The following AKIRIN2 variants were observed in gnomAD, a reference collection of about 807,000 sequenced individuals.
AKIRIN2 encodes the protein akirin-2.
Under a neutral mutation model 29.3 loss-of-function variants are expected in AKIRIN2, and 6 were observed. The observed-to-expected ratio is 0.20, with a 90% CI of 0.11 to 0.40. The LOEUF (loss-of-function observed/expected upper bound fraction) is 0.40. Among genes scored for constraint, AKIRIN2 ranks in the 10% least tolerant of loss-of-function variants. The pLI, the probability that AKIRIN2 is intolerant of heterozygous loss-of-function variation, is 1.00. For missense variants in AKIRIN2, 210 were observed against 276.1 expected (o/e 0.76, Z 1.70); for synonymous variants, 128 against 117.5 (o/e 1.09, Z -0.58).
chr6:87,688,579 C>G (rs943884983), intron 1 of AKIRIN2, among the ~76,000 whole-genome samples: 22 of 152,122 alleles, frequency 1.4e-4, no homozygotes, highest in African/African-American at 5.3e-4. Context: ...AACCCCATCT[C>G]TACTAAAAAT....
chr6:87,701,644 T>C lies in AKIRIN2; in HGVS notation c.41A>G (p.Asp14Gly). The C allele has an allele frequency of 6.8e-7, 1 of 1,467,280 alleles. No individual in the cohort carries two copies. The highest frequency in any genetic ancestry group is 9.0e-7 in the Non-Finnish European group (1 of 1,113,500). 90.9% of individuals were successfully genotyped at this position (1,467,280 alleles called of 1,614,324 possible). The change falls in exon 1 of 5, where the codon GAC becomes GGC. Residue 14 changes from aspartate (D) to glycine (G), a missense_variant. Coordinates refer to ENST00000257787, the MANE Select transcript of AKIRIN2 (RefSeq NM_018064.4). Reference protein sequence around the residue: ...GATLKRTLDFDPLLSPASPKR... With the variant: ...GATLKRTLDFGPLLSPASPKR... ...CGGGGACGCCGGGCTCAACAGCGGGTCGAAATCCAGAGTCCTTTTCAGAGT... is the reference window on the plus strand; with the variant it reads ...CGGGGACGCCGGGCTCAACAGCGGGCCGAAATCCAGAGTCCTTTTCAGAGT...
intron 1 of AKIRIN2, among the ~76,000 whole-genome samples, chr6:87,684,808 G>A (rs969537484): frequency 2.6e-5 from 4 of 152,096 alleles, no homozygotes; most frequent in Admixed American, 1.3e-4. Flanking sequence ...TCCAATTTGG[G>A]ACTATTACGA....
At chr6:87,677,479 C>T (rs1166735451) in intron 3 of AKIRIN2, among the ~76,000 whole-genome samples, 1 of 151,996 alleles carries the variant, frequency 6.6e-6, no homozygotes, top group Non-Finnish European at 1.5e-5. Flanking sequence ...CAGTGACAGC[C>T]AATTAGATAT....
At chr6:87,693,046 G>A (rs1771300444) in intron 1 of AKIRIN2, among the ~76,000 whole-genome samples, 2 of 151,944 alleles carry the variant, frequency 1.3e-5, no homozygotes, top group South Asian at 4.2e-4. Context: ...TGGCTAACAT[G>A]GTGAAACCTC....
At chr6:87,678,222 T>TAA (rs1279523336) in intron 2 of AKIRIN2, among the ~76,000 whole-genome samples, 1 of 151,982 alleles carries the variant, frequency 6.6e-6, no homozygotes, top group Non-Finnish European at 1.5e-5. Context: ...CTTTAAGACA[T>TAA]AAGAAAGGTT....
rs571458826 is a variant in AKIRIN2, at chr6:87,680,462, G to C, written c.379+1158C>G. On this transcript the variant is annotated intron_variant, in intron 2 of 4. Transcript: ENST00000257787. Reference sequence around the variant, plus strand: ...TAATTTTTTGGATTTTAGTAGAGACGGGGTTTCACTGTGTTAGCCAGGATG... The same window carrying C: ...TAATTTTTTGGATTTTAGTAGAGACCGGGTTTCACTGTGTTAGCCAGGATG... 2.0e-5 allele frequency among the ~76,000 whole-genome samples: 3 copies of C among 147,750 alleles called. No individual in the cohort carries two copies. In the South Asian group the frequency reaches 6.4e-4, roughly 32 times the overall value.
chr6:87,678,624 G>GT, intron 2 of AKIRIN2, among the ~76,000 whole-genome samples: 1 of 152,266 alleles, frequency 6.6e-6, no homozygotes, highest in Admixed American at 6.5e-5. Context: ...ATACCATGAA[G>GT]TATTTTAGTG....
At chr6:87,681,922 T>G (rs1771128092) in intron 1 of AKIRIN2, among the ~76,000 whole-genome samples, 159 bp from the exon 2 acceptor site, 1 of 152,180 alleles carries the variant, frequency 6.6e-6, no homozygotes, top group Non-Finnish European at 1.5e-5. Context: ...TCAGCATAAA[T>G]GGGGACATTC....
At position 87,681,678 on chromosome 6, in the gene AKIRIN2, C is replaced by A; in HGVS notation, c.321G>T (p.Pro107=). 1 of 1,613,690 alleles carries A rather than the reference C, an allele frequency of 6.2e-7. No individual in the cohort carries two copies. The highest frequency in any genetic ancestry group is 8.5e-7 in the Non-Finnish European group (1 of 1,179,842). The change falls in exon 2 of 5, where the codon CCG becomes CCT. Residue 107 remains proline, a synonymous_variant. Transcript: ENST00000257787. ...HLETSFQQTD[P]CCTSDAQPHA... ...GTGGCTGTGCATCAGAAGTACAACACGGATCTGTCTGTTGGAAACTCGTTT... is the reference window on the plus strand; with the variant it reads ...GTGGCTGTGCATCAGAAGTACAACAAGGATCTGTCTGTTGGAAACTCGTTT...
intron 3 of AKIRIN2, among the ~76,000 whole-genome samples, chr6:87,677,048 G>A (rs892905527): frequency 6.7e-6 from 1 of 150,182 alleles, no homozygotes; most frequent in African/African-American, 2.5e-5. Flanking sequence ...CTGCACTCCA[G>A]CCTTGGGTGA....
In AKIRIN2 at chr6:87,677,915, A is replaced by G; in HGVS notation, c.432T>C (p.Thr144=). Residue 144 remains threonine (T), a synonymous_variant, in exon 3 of 5, where the codon ACT becomes ACC. Coordinates refer to ENST00000257787, the MANE Select transcript of AKIRIN2 (RefSeq NM_018064.4). The part of the protein sequence containing the change: ...SPLKKEQPLF[T]LRQVGMICER... ...CACAGATCATCCCAACCTGCCGTAG[A>G]GTAAATAAGGGCTGTTCTTTTTTTA... 1 of 1,614,094 alleles carries G rather than the reference A, an allele frequency of 6.2e-7. No individual in the cohort carries two copies.
At chr6:87,679,344 G>A (rs1188321840) in intron 2 of AKIRIN2, among the ~76,000 whole-genome samples, 2 of 151,922 alleles carry the variant, frequency 1.3e-5, no homozygotes, top group Admixed American at 1.3e-4. Context: ...GCGCAACATG[G>A]CAAACCATGT....
intron 1 of AKIRIN2, among the ~76,000 whole-genome samples, chr6:87,698,373 T>TAA (rs1318677681): frequency 4.6e-4 from 63 of 136,258 alleles, no homozygotes; most frequent in African/African-American, 9.6e-4. Context: ...GAACAATACT[T>TAA]AAAAAAAAAA....
chr6:87,675,674 G>C, intron 4 of AKIRIN2, 67 bp from the exon 5 acceptor site: 1 of 1,592,848 alleles, frequency 6.3e-7, no homozygotes, highest in East Asian at 2.3e-5. Flanking sequence ...ACTAGATCTT[G>C]ATTCCCAATT....
At chr6:87,675,982 C>G (rs1770967044) in intron 3 of AKIRIN2, 51 bp from the exon 4 acceptor site, 1 of 1,494,664 alleles carries the variant, frequency 6.7e-7, no homozygotes, top group Non-Finnish European at 9.2e-7. Flanking sequence ...CTTATTAGAG[C>G]CAGATAAACT....
chr6:87,686,177 T>C (rs1475476305), intron 1 of AKIRIN2, among the ~76,000 whole-genome samples: 1 of 152,090 alleles, frequency 6.6e-6, no homozygotes, highest in Non-Finnish European at 1.5e-5. Context: ...ATCATGCCAC[T>C]GCACTGCAGC....
chr6:87,701,884 G>C lies in AKIRIN2; in HGVS notation c.-200C>G, dbSNP rs566658823. On this transcript the variant is annotated 5_prime_UTR_variant, in exon 1 of 5. Coordinates refer to ENST00000257787, the MANE Select transcript of AKIRIN2 (RefSeq NM_018064.4). ...CTCCGCGGCAGGGGCAGTGGCCAGGGACGGCCCGGGTGAGAGCGGGAGGGG... is the reference window on the plus strand; with the variant it reads ...CTCCGCGGCAGGGGCAGTGGCCAGGCACGGCCCGGGTGAGAGCGGGAGGGG... 9.2e-6 allele frequency: 4 copies of C among 436,850 alleles called. No individual in the cohort carries two copies. In the South Asian group the frequency reaches 1.7e-4, roughly 19 times the overall value. The allele number at this position is 436,850 out of a possible 1,614,324, so 27.1% of individuals were successfully genotyped here. A position where few individuals can be genotyped will look rare whatever the true frequency, so the allele number is the denominator to read the frequency against.
At chr6:87,701,376 G>A in intron 1 of AKIRIN2, 74 bp downstream of exon 1, 2 of 1,440,438 alleles carry the variant, frequency 1.4e-6, no homozygotes, top group Non-Finnish European at 9.2e-7. Context: ...CACCCCAGGG[G>A]CCGCATCCCA....
In AKIRIN2 at chr6:87,677,911, G is replaced by A. The variant is rs780912595; in HGVS notation, c.436C>T (p.Arg146Trp). 13 of 1,613,738 alleles carry A rather than the reference G, an allele frequency of 8.1e-6. No homozygotes were observed. Among genetic ancestry groups the A allele is most frequent in the East Asian group, 4.5e-5 (2 of 44,882 alleles). Reference sequence around the variant, plus strand: ...CGTTCACAGATCATCCCAACCTGCCGTAGAGTAAATAAGGGCTGTTCTTTT... The same window carrying A: ...CGTTCACAGATCATCCCAACCTGCCATAGAGTAAATAAGGGCTGTTCTTTT... ...LKKEQPLFTL[R>W]QVGMICERLL... The change falls in exon 3 of 5, where the codon CGG becomes TGG. Residue 146 changes from arginine (R) to tryptophan (W), a missense_variant. Arg to Trp is a moderately radical substitution (Grantham distance 101, BLOSUM62 -3). Transcript: ENST00000257787.
Sources: allele counts gnomAD v4.1 joint callset (sites outside exome capture counted in the v4.1 genomes callset), GRCh38; gene constraint gnomAD v4.1.1; transcripts MANE v1.5; gene names NCBI Gene and HGNC (gene_info 2026-07-23, HGNC 2026-07-21).